The following RFX8 variants were observed in gnomAD, a reference collection of about 807,000 sequenced individuals.
RFX8 encodes the protein DNA-binding protein RFX8.
RFX8 carries 46 observed loss-of-function variants against 54.6 expected under a neutral mutation model. The observed-to-expected ratio is 0.84, with a 90% CI of 0.67 to 1.08. The LOEUF is 1.08. Ranked by LOEUF, RFX8 falls within the 50% of genes least tolerant of loss-of-function variation. The pLI is 0.00. For missense variants in RFX8, 536 were observed against 562.3 expected (o/e 0.95, Z 0.47); for synonymous variants, 192 against 209.5 (o/e 0.92, Z 0.72).
At chr2:101,460,733 CTCTT>C (rs774281746) in intron 2 of RFX8, among the ~76,000 whole-genome samples, 12 of 151,406 alleles carry the variant, frequency 7.9e-5, no homozygotes, top group South Asian at 6.3e-4. Context: ...TGTTGCATCC[CTCTT>C]TCTTTCTTTT....
Position 101,466,794 on chromosome 2 carries a change from G to A in RFX8, c.55C>T (p.Pro19Ser). ...CAACTTACCTTCCCAAAGGTGGCCGGGTTGACTTGGTTCTCAGTGTTTTGC... is the reference window on the plus strand; with the variant it reads ...CAACTTACCTTCCCAAAGGTGGCCGAGTTGACTTGGTTCTCAGTGTTTTGC... Reference protein sequence around the residue: ...CGQNTENQVNPATFGKCEDHS... With the variant: ...CGQNTENQVNSATFGKCEDHS... Residue 19 changes from proline (P) to serine (S), a missense_variant, in exon 2 of 12, where the codon CCG (proline) becomes TCG (serine). Coordinates refer to ENST00000428343, the MANE Select transcript of RFX8 (RefSeq NM_001145664.2). 1 of 1,551,292 alleles carries A rather than the reference G, an allele frequency of 6.4e-7. No homozygotes were observed. Among genetic ancestry groups the A allele is most frequent in the Non-Finnish European group, 8.7e-7 (1 of 1,146,624 alleles).
chr2:101,462,984 T>C (rs6705707), intron 2 of RFX8, among the ~76,000 whole-genome samples: 11 of 152,014 alleles, frequency 7.2e-5, no homozygotes, highest in African/African-American at 2.7e-4. Context: ...GCAGTACTCA[T>C]GGCCCAAAGA....
intron 2 of RFX8, among the ~76,000 whole-genome samples, chr2:101,460,828 C>A (rs1027287430): frequency 3.3e-5 from 5 of 151,444 alleles, no homozygotes; most frequent in East Asian, 1.9e-4. Context: ...CCAGGTTCTA[C>A]CTCTTCCTGC....
intron 2 of RFX8, among the ~76,000 whole-genome samples, chr2:101,427,375 A>G (rs1164819725): frequency 6.6e-6 from 1 of 152,112 alleles, no homozygotes; most frequent in Non-Finnish European, 1.5e-5. Context: ...GGAGCCAGAG[A>G]GACTGCAGCG....
At chr2:101,448,974 G>C (rs951576240) in intron 2 of RFX8, among the ~76,000 whole-genome samples, 1 of 152,206 alleles carries the variant, frequency 6.6e-6, no homozygotes, top group African/African-American at 2.4e-5. Flanking sequence ...TCCTGTAGCT[G>C]GCATTGTTGG....
intron 2 of RFX8, among the ~76,000 whole-genome samples, chr2:101,459,118 T>C (rs1389221038): frequency 6.6e-6 from 1 of 152,184 alleles, no homozygotes; most frequent in East Asian, 1.9e-4. Context: ...CGTCTAACCT[T>C]TTTTCAAGGT....
chr2:101,425,814 G>A (rs1687140088), intron 2 of RFX8, among the ~76,000 whole-genome samples: 2 of 152,274 alleles, frequency 1.3e-5, no homozygotes, highest in South Asian at 2.1e-4. Context: ...AGCCACTAAC[G>A]TGTGGACCCT....
chr2:101,428,137 T>C (rs960074209), intron 2 of RFX8, among the ~76,000 whole-genome samples: 3 of 151,732 alleles, frequency 2.0e-5, no homozygotes, highest in Non-Finnish European at 4.4e-5. Flanking sequence ...CTACGAAAAA[T>C]ACAAAAATTA....
chr2:101,412,508 G>A (rs1481828696), intron 8 of RFX8, among the ~76,000 whole-genome samples: 1 of 152,188 alleles, frequency 6.6e-6, no homozygotes, highest in African/African-American at 2.4e-5. Flanking sequence ...AGAATGTGTC[G>A]ACGCAGACAT....
Position 101,418,968 on chromosome 2 carries a change from G to C in RFX8, c.238-4C>G, listed in dbSNP as rs191271856. The C allele has an allele frequency of 1.2e-5, 18 of 1,517,008 alleles. No homozygotes were observed. Among genetic ancestry groups the C allele is most frequent in the Non-Finnish European group, 1.6e-5 (18 of 1,116,416 alleles). 94.0% of individuals were successfully genotyped at this position (1,517,008 alleles called of 1,614,324 possible). On this transcript the variant is annotated splice_region_variant and splice_polypyrimidine_tract_variant and intron_variant, in intron 4 of 11. Coordinates refer to ENST00000428343, the MANE Select transcript of RFX8 (RefSeq NM_001145664.2). The stretch of plus-strand genomic sequence containing the variant: ...AGGAAGTAAGCAAGTCCTCCACCTG[G>C]GGTAAGTAACAGAGCATATCGCCAA...
chr2:101,423,902 C>A (rs1408006986), intron 2 of RFX8, among the ~76,000 whole-genome samples: 1 of 152,160 alleles, frequency 6.6e-6, no homozygotes, highest in Non-Finnish European at 1.5e-5. Context: ...GTTTAGAGAG[C>A]ATGTTTAACT....
intron 2 of RFX8, among the ~76,000 whole-genome samples, chr2:101,433,928 A>G (rs1395074032): frequency 1.3e-5 from 2 of 152,234 alleles, no homozygotes; most frequent in Non-Finnish European, 2.9e-5. Context: ...ATGTTAAAAT[A>G]GTAAATATAT....
intron 9 of RFX8, among the ~76,000 whole-genome samples, chr2:101,407,053 G>A (rs1431063392): frequency 3.3e-5 from 5 of 152,204 alleles, no homozygotes. Context: ...CATGAGTCAT[G>A]GATTTCAAAT....
intron 4 of RFX8, among the ~76,000 whole-genome samples, chr2:101,419,930 A>T (rs768358236): frequency 2.0e-5 from 3 of 152,180 alleles, no homozygotes; most frequent in Non-Finnish European, 2.9e-5. Flanking sequence ...AGCCACCACC[A>T]CAGACCCGTC....
At chr2:101,404,825 G>A (rs894571829) in intron 10 of RFX8, among the ~76,000 whole-genome samples, 8 of 152,206 alleles carry the variant, frequency 5.3e-5, no homozygotes, top group African/African-American at 1.7e-4. Flanking sequence ...CTTCAGTGAA[G>A]GGAAGAGTCC....
intron 9 of RFX8, among the ~76,000 whole-genome samples, chr2:101,410,417 A>ACACT (rs1553451405): frequency 0.38 from 55,859 of 147,714 alleles, 10,951 homozygotes; most frequent in East Asian, 0.44. Flanking sequence ...ACACACACAC[A>ACACT]CTTATGTGAT....
At chr2:101,452,845 G>C (rs1046365376) in intron 2 of RFX8, among the ~76,000 whole-genome samples, 1 of 152,002 alleles carries the variant, frequency 6.6e-6, no homozygotes, top group Non-Finnish European at 1.5e-5. Flanking sequence ...GGTGGCTCAC[G>C]CCTGTAATCC....
chr2:101,463,036 G>A (rs1354808038), intron 2 of RFX8, among the ~76,000 whole-genome samples: 1 of 152,156 alleles, frequency 6.6e-6, no homozygotes, highest in Non-Finnish European at 1.5e-5. Flanking sequence ...TCTTCTGAAG[G>A]GTCCTCTTGT....
rs1688407624 is a variant in RFX8, at chr2:101,446,790, C to T, written c.72+19987G>A. On this transcript the variant is annotated intron_variant, in intron 2 of 11. Transcript: ENST00000428343. The stretch of plus-strand genomic sequence containing the variant: ...TCCAAATTGTCTGTTAGTTAACTGA[C>T]TGCTAGGTGCCAGGGGGTGGGGGTG... Among the ~76,000 whole-genome samples, 3 of 119,040 alleles carry T rather than the reference C, an allele frequency of 2.5e-5. No individual in the cohort carries two copies. The Admixed American group carries it at 3.4e-4, about 14-fold the overall frequency. 78.1% of individuals were successfully genotyped at this position (119,040 alleles called of 152,430 possible). A position where few individuals can be genotyped will look rare whatever the true frequency, so the allele number is the denominator to read the frequency against.
Sources: allele counts gnomAD v4.1 joint callset (sites outside exome capture counted in the v4.1 genomes callset), GRCh38; gene constraint gnomAD v4.1.1; transcripts MANE v1.5; gene names NCBI Gene and HGNC (gene_info 2026-07-23, HGNC 2026-07-21).